Variants in MOBP observed in about 807,000 individuals in gnomAD.
The protein encoded by MOBP is myelin associated oligodendrocyte basic protein.
Under a neutral mutation model 15.0 loss-of-function variants are expected in MOBP, and 5 were observed. The ratio of observed to expected loss-of-function variants is 0.33; its 90% CI spans 0.17 to 0.70. The LOEUF (loss-of-function observed/expected upper bound fraction) is 0.70. Among genes scored for constraint, MOBP ranks in the 30% least tolerant of loss-of-function variants. MOBP has a pLI of 0.67. For synonymous variants in MOBP, 88 were observed against 99.0 expected, an observed-to-expected ratio of 0.89 and a Z score of 0.66; for missense variants, 188 against 257.8, an observed-to-expected ratio of 0.73 and a Z score of 1.85.
intron 1 of MOBP, among the ~76,000 whole-genome samples, chr3:39,479,817 T>C (rs1246952527): frequency 2.0e-5 from 3 of 152,092 alleles, no homozygotes; most frequent in Admixed American, 1.3e-4. Context: ...TAGCTTTTTT[T>C]TTTTCTGTAT....
chr3:39,503,829 T>C (rs543765991), downstream of MOBP, among the ~76,000 whole-genome samples: 1 of 152,262 alleles, frequency 6.6e-6, no homozygotes, highest in East Asian at 1.9e-4. Flanking sequence ...GCATCTACTA[T>C]GTGTAGGTAT....
chr3:39,487,797 C>T (rs2042738622), intron 2 of MOBP, among the ~76,000 whole-genome samples: 1 of 152,114 alleles, frequency 6.6e-6, no homozygotes, highest in African/African-American at 2.4e-5. Context: ...GCTGGGATTA[C>T]AGGTGTGAGC....
At chr3:39,519,899 T>C (rs2043245448), downstream of MOBP, among the ~76,000 whole-genome samples, 1 of 151,360 alleles carries the variant, frequency 6.6e-6, no homozygotes, top group South Asian at 2.1e-4. Flanking sequence ...TCTCTTCTTC[T>C]AACTCCTATC....
chr3:39,495,334 T>A (rs903395753), intron 2 of MOBP, among the ~76,000 whole-genome samples: 1 of 152,066 alleles, frequency 6.6e-6, no homozygotes, highest in African/African-American at 2.4e-5. Flanking sequence ...AACTCATCCA[T>A]AATTAAAATG....
At chr3:39,488,968 A>G (rs1030241424) in intron 2 of MOBP, among the ~76,000 whole-genome samples, 8 of 151,964 alleles carry the variant, frequency 5.3e-5, no homozygotes, top group Non-Finnish European at 1.2e-4. Context: ...AGATCTTTCA[A>G]CACCTTCCTA....
chr3:39,480,701 C>T (rs2042615885), intron 2 of MOBP, among the ~76,000 whole-genome samples: 1 of 152,216 alleles, frequency 6.6e-6, no homozygotes, highest in East Asian at 1.9e-4. Context: ...CTCCAAGTCA[C>T]ATCTCCTCCT....
At chr3:39,510,577 C>A (rs1490627697) in intron 4 of MOBP, among the ~76,000 whole-genome samples, 1 of 152,054 alleles carries the variant, frequency 6.6e-6, no homozygotes, top group African/African-American at 2.4e-5. Flanking sequence ...TCAAAAATAG[C>A]ATTCTTTTTC....
intron 2 of MOBP, among the ~76,000 whole-genome samples, chr3:39,488,256 A>G (rs984347931): frequency 6.6e-6 from 1 of 151,704 alleles, no homozygotes; most frequent in Admixed American, 6.6e-5. Flanking sequence ...CTCTCTTGTG[A>G]TTTCTCAATC....
chr3:39,486,479 A>G (rs1211973780), intron 2 of MOBP, among the ~76,000 whole-genome samples: 2 of 152,168 alleles, frequency 1.3e-5, no homozygotes, highest in Non-Finnish European at 2.9e-5. Context: ...GTTGTGATCC[A>G]TGCTACTATA....
At chr3:39,478,838 T>C (rs1327488533) in intron 1 of MOBP, among the ~76,000 whole-genome samples, 1 of 143,040 alleles carries the variant, frequency 7.0e-6, no homozygotes, top group Non-Finnish European at 1.5e-5. Context: ...TCTTCTTCTT[T>C]TTTTTTCTTG....
chr3:39,489,403 C>A (rs183038271), intron 2 of MOBP, among the ~76,000 whole-genome samples: 1 of 152,320 alleles, frequency 6.6e-6, no homozygotes, highest in Non-Finnish European at 1.5e-5. Flanking sequence ...TTACTCACCA[C>A]TGGCACTTAA....
downstream of MOBP, among the ~76,000 whole-genome samples, chr3:39,516,217 A>G (rs1161426474): frequency 6.6e-6 from 1 of 152,174 alleles, no homozygotes; most frequent in Non-Finnish European, 1.5e-5. Context: ...AAGGCAGAGG[A>G]GTAGGGCAAG....
rs1487573540 is a variant in MOBP, at chr3:39,502,333, C to T, written c.206+58C>T. 1 of 1,606,402 alleles carries T rather than the reference C, an allele frequency of 6.2e-7. No individual in the cohort carries two copies. The highest frequency in any genetic ancestry group is 8.5e-7 in the Non-Finnish European group (1 of 1,176,422). On this transcript the variant is annotated intron_variant, in intron 3 of 3. Transcript: ENST00000684792. This position sits in a 1 kb window ranked among gnomAD's most constrained non-coding sequence, Gnocchi z 6.3. ...GGGCACAGCGCGTGGTCTCGGCTCC[C>T]AGCACGCCCCTCCCGCTCCGCACCC... is the stretch of plus-strand genomic sequence containing the variant.
downstream of MOBP, chr3:39,517,721 A>C (rs1407281063): frequency 6.6e-6 from 1 of 152,248 alleles, no homozygotes; most frequent in Admixed American, 6.5e-5. Flanking sequence ...CTTAGGCAAC[A>C]GTTTACTACC....
chr3:39,468,671 T>TATATAAAAATATGTGTGTGTATATAC, intron 1 of MOBP, among the ~76,000 whole-genome samples: 1 of 151,458 alleles, frequency 6.6e-6, no homozygotes, highest in East Asian at 1.9e-4. Context: ...TATGGGTGTA[T>TATATAAAAATATGTGTGTGTATATAC]ATATAAAAAT....
At chr3:39,514,617 AG>A (rs555073678) in exon 5 of MOBP, 13 of 152,430 alleles carry the variant, frequency 8.5e-5, no homozygotes, top group African/African-American at 3.1e-4. Context: ...AAGTGTGGAA[AG>A]GGGTGAGTTA....
intron 1 of MOBP, among the ~76,000 whole-genome samples, chr3:39,470,116 C>T (rs922042664): frequency 7.2e-5 from 11 of 152,220 alleles, no homozygotes; most frequent in African/African-American, 2.7e-4. Context: ...CCACTCCAGG[C>T]TGGCTGGCAT....
rs768613739 is a variant in MOBP at position 39,502,022 on chromosome 3, T to C, written c.-4-44T>C. 2.4e-5 allele frequency: 37 copies of C among 1,537,562 alleles called. No homozygotes were observed. Among genetic ancestry groups the C allele is most frequent in the Non-Finnish European group, 3.1e-5 (35 of 1,112,710 alleles). On this transcript the variant is annotated intron_variant, in intron 2 of 3. Transcript: ENST00000684792. The surrounding 1 kb of genome is among the most constrained non-coding windows in gnomAD (Gnocchi z 6.3). ...GAGTAGAGGGCTCCCTTTCCTGATGTGCGTTTATGTCTCCTCCTGTCTCCT... is the reference window on the plus strand; with the variant it reads ...GAGTAGAGGGCTCCCTTTCCTGATGCGCGTTTATGTCTCCTCCTGTCTCCT...
intron 2 of MOBP, among the ~76,000 whole-genome samples, chr3:39,486,690 G>T (rs969114839): frequency 6.6e-6 from 1 of 152,012 alleles, no homozygotes; most frequent in Non-Finnish European, 1.5e-5. Flanking sequence ...GTGTCTTTTT[G>T]ATAATTGGTG....
Sources: allele counts gnomAD v4.1 joint callset (sites outside exome capture counted in the v4.1 genomes callset), GRCh38; gene constraint gnomAD v4.1.1; non-coding constraint Gnocchi (gnomAD v3.1); transcripts MANE v1.5; gene names NCBI Gene and HGNC (gene_info 2026-07-23, HGNC 2026-07-21).